WWC1: variants seen among roughly 807,000 people sequenced by gnomAD.
WWC1 encodes WW and C2 domain containing 1.
WWC1 carries 55 observed loss-of-function variants against 138.4 expected under a neutral mutation model. The observed-to-expected ratio is 0.40, with a 90% CI of 0.32 to 0.50. The LOEUF is 0.50. WWC1 is among the 20% of genes least tolerant of loss of function. The pLI, the probability that WWC1 is intolerant of heterozygous loss-of-function variation, is 0.72. For synonymous variants in WWC1, 524 were observed against 564.9 expected (o/e 0.93, Z 1.03); for missense variants, 1,226 against 1,420.4 (o/e 0.86, Z 2.20).
chr5:168,339,963 C>CTT (rs1773888048), intron 1 of WWC1, among the ~76,000 whole-genome samples: 3 of 129,318 alleles, frequency 2.3e-5, no homozygotes, highest in African/African-American at 8.4e-5. Flanking sequence ...CTCCCTCTCT[C>CTT]TCTCTGTCTC....
At chr5:168,418,188 A>T (rs574077542) in intron 9 of WWC1, among the ~76,000 whole-genome samples, 1 of 152,258 alleles carries the variant, frequency 6.6e-6, no homozygotes, top group South Asian at 2.1e-4. Flanking sequence ...GGAGAGGCCG[A>T]CTGCAGGACC....
intron 1 of WWC1, among the ~76,000 whole-genome samples, chr5:168,353,756 G>A (rs766185254): frequency 1.3e-5 from 2 of 152,202 alleles, no homozygotes; most frequent in Non-Finnish European, 2.9e-5. Flanking sequence ...TATTTGGCCC[G>A]ATCACTGCCA....
chr5:168,430,434 C>G (rs1168372142), intron 14 of WWC1, among the ~76,000 whole-genome samples: 2 of 152,188 alleles, frequency 1.3e-5, no homozygotes, highest in Non-Finnish European at 2.9e-5. Flanking sequence ...CAAGCACTCT[C>G]TAGATGACTG....
rs138670203 is a variant in WWC1 at position 168,399,434 on chromosome 5, G to A, written c.511-54G>A. 6.1e-4 allele frequency: 982 copies of A among 1,598,816 alleles called. 4 individuals are homozygous for A. The African/African-American group carries it at 0.012, about 19-fold the overall frequency. On this transcript the variant is annotated intron_variant, in intron 4 of 22. Coordinates refer to ENST00000265293, the MANE Select transcript of WWC1 (RefSeq NM_015238.3). ...TCCCTTTCCAGGGAGAAGGCAGCCT[G>A]CACCTTGGTGTCAGCCTCTGACCCA...
chr5:168,339,907 TTCTC>T lies in WWC1; in HGVS notation c.120-31503_120-31500del, dbSNP rs10593765. 3.5e-3 allele frequency among the ~76,000 whole-genome samples: 483 copies of T among 138,358 alleles called. 3 individuals carry two copies. Among genetic ancestry groups the T allele is most frequent in the Admixed American group, 4.7e-3 (65 of 13,750 alleles). The allele number at this position is 138,358 out of a possible 152,430, so 90.8% of individuals were successfully genotyped here. On this transcript the variant is annotated intron_variant, in intron 1 of 22. Coordinates refer to ENST00000265293, the MANE Select transcript of WWC1 (RefSeq NM_015238.3). ...TCCCTCTCTCTCTGTCTCTCTCTCTTTCTCTCTCTCTCTCTCTTTCTCTCTTTCT... is the reference window on the plus strand; with the variant it reads ...TCCCTCTCTCTCTGTCTCTCTCTCTTTCTCTCTCTCTCTTTCTCTCTTTCT...
At chr5:168,326,168 G>T (rs886750220) in intron 1 of WWC1, among the ~76,000 whole-genome samples, 1 of 151,278 alleles carries the variant, frequency 6.6e-6, no homozygotes, top group South Asian at 2.1e-4. Context: ...AGGTAATAAG[G>T]CGTAAATGGG....
chr5:168,324,652 A>G (rs1772390723), intron 1 of WWC1, among the ~76,000 whole-genome samples: 1 of 152,196 alleles, frequency 6.6e-6, no homozygotes, highest in Non-Finnish European at 1.5e-5. Flanking sequence ...AGGTAAGACA[A>G]ATAGACAACA....
chr5:168,293,921 G>A (rs974434314), intron 1 of WWC1, among the ~76,000 whole-genome samples: 31 of 152,226 alleles, frequency 2.0e-4, no homozygotes, highest in African/African-American at 7.5e-4. Flanking sequence ...ACCCTTACTC[G>A]GGTCAGTTGC....
intron 3 of WWC1, among the ~76,000 whole-genome samples, chr5:168,389,591 A>AT (rs1250515314): frequency 5.1e-4 from 45 of 88,796 alleles, no homozygotes; most frequent in African/African-American, 1.9e-3. Flanking sequence ...TAACTATTGA[A>AT]TTTTTGTTTT....
chr5:168,292,084 C>T lies in WWC1; in HGVS notation c.-69C>T, dbSNP rs886885014. ...GGCGGCCGCCCGGGCTAAGAGCGGC[C>T]GGCTGGAGCCGCTGAGCCCCCGCTG... On this transcript the variant is annotated 5_prime_UTR_variant, in exon 1 of 23. Transcript: ENST00000265293. The surrounding 1 kb of genome is among the most constrained non-coding windows in gnomAD (Gnocchi z 4.4). 1.2e-5 allele frequency: 17 copies of T among 1,434,916 alleles called. No homozygotes were observed. The African/African-American group carries it at 2.3e-4, about 19-fold the overall frequency. The allele number at this position is 1,434,916 out of a possible 1,614,324, so 88.9% of individuals were successfully genotyped here.
Position 168,444,476 on chromosome 5 carries a change from C to T in WWC1, c.2434-18C>T. The T allele has an allele frequency of 6.4e-7, 1 of 1,555,556 alleles. No individual in the cohort carries two copies. Among genetic ancestry groups the T allele is most frequent in the Non-Finnish European group, 8.7e-7 (1 of 1,148,666 alleles). ...ACCTACATTGTACCCAATGACCCAG[C>T]AACCTTTGTCTCTATAGGACGCTGT... On this transcript the variant is annotated intron_variant, in intron 16 of 22. Transcript: ENST00000265293.
chr5:168,428,216 G>C, intron 12 of WWC1, 75 bp downstream of exon 12: 1 of 1,460,824 alleles, frequency 6.8e-7, no homozygotes, highest in Non-Finnish European at 9.4e-7. Flanking sequence ...CTAGGCCTGT[G>C]GAGAGGCTTA....
intron 10 of WWC1, 131 bp from the exon 11 acceptor site, chr5:168,423,402 T>C: frequency 1.0e-6 from 1 of 999,142 alleles, no homozygotes; most frequent in South Asian, 1.7e-5. Flanking sequence ...GAAGTGGGGG[T>C]GAAGGGTCTA....
At chr5:168,454,611 G>A (rs1756136358) in intron 18 of WWC1, among the ~76,000 whole-genome samples, 1 of 152,178 alleles carries the variant, frequency 6.6e-6, no homozygotes, top group Non-Finnish European at 1.5e-5. Context: ...CAGACAGCTG[G>A]CTCCAGGACT....
chr5:168,367,717 C>T (rs1037651080), intron 1 of WWC1, among the ~76,000 whole-genome samples: 2 of 152,130 alleles, frequency 1.3e-5, no homozygotes, highest in East Asian at 3.9e-4. Context: ...TGATGCCGAG[C>T]ATGTTTTCTT....
At chr5:168,345,914 G>T (rs972445397) in intron 1 of WWC1, among the ~76,000 whole-genome samples, 14 of 152,150 alleles carry the variant, frequency 9.2e-5, no homozygotes, top group African/African-American at 3.4e-4. Flanking sequence ...GCTTCTACTT[G>T]TACAATCTGT....
At chr5:168,301,259 C>T (rs985831694) in intron 1 of WWC1, among the ~76,000 whole-genome samples, 2 of 152,266 alleles carry the variant, frequency 1.3e-5, no homozygotes, top group Non-Finnish European at 2.9e-5. Context: ...GCATACCACA[C>T]GATTCACGAT....
chr5:168,450,652 C>T lies in WWC1; in HGVS notation c.2526-3316C>T, dbSNP rs754998932. 3.3e-5 allele frequency among the ~76,000 whole-genome samples: 5 copies of T among 151,944 alleles called. 1 individual carries two copies. Among genetic ancestry groups the T allele is most frequent in the Non-Finnish European group, 5.9e-5 (4 of 68,018 alleles). ...CTGCACTCCAGCCTGGGCAACAGAG[C>T]GAGACTCCATCTCAAAAAAATAAAA... On this transcript the variant is annotated intron_variant, in intron 17 of 22. Transcript: ENST00000265293.
intron 3 of WWC1, among the ~76,000 whole-genome samples, chr5:168,391,851 G>A (rs1389713689): frequency 6.7e-6 from 1 of 148,706 alleles, no homozygotes; most frequent in African/African-American, 2.5e-5. Context: ...CTGGAAAGCA[G>A]ACAGACAGGT....
Sources: allele counts gnomAD v4.1 joint callset (sites outside exome capture counted in the v4.1 genomes callset), GRCh38; gene constraint gnomAD v4.1.1; non-coding constraint Gnocchi (gnomAD v3.1); transcripts MANE v1.5; gene names NCBI Gene and HGNC (gene_info 2026-07-23, HGNC 2026-07-21).